Variants in ZNF624 observed in about 807,000 individuals in gnomAD.
ZNF624 encodes zinc finger protein 624.
ZNF624 carries 43 observed loss-of-function variants against 74.7 expected under a neutral mutation model. The ratio of observed to expected loss-of-function variants is 0.58; its 90% CI spans 0.45 to 0.74. The LOEUF is 0.74. Among genes scored for constraint, ZNF624 ranks in the 30% least tolerant of loss-of-function variants. The pLI, the probability that ZNF624 is intolerant of heterozygous loss-of-function variation, is 0.00. For missense variants in ZNF624, 820 were observed against 1,030.0 expected (o/e 0.80, Z 2.79); for synonymous variants, 331 against 341.3 (o/e 0.97, Z 0.33).
chr17:16,643,390 C>T (rs1179542470), intron 3 of ZNF624, among the ~76,000 whole-genome samples: 3 of 152,118 alleles, frequency 2.0e-5, no homozygotes, highest in Non-Finnish European at 4.4e-5. Flanking sequence ...ACACATAAAC[C>T]TTGAAAATAT....
intron 3 of ZNF624, among the ~76,000 whole-genome samples, chr17:16,637,229 A>G (rs1418404838): frequency 2.0e-5 from 3 of 152,224 alleles, no homozygotes; most frequent in African/African-American, 4.8e-5. Flanking sequence ...AGAGATACAA[A>G]TGGAAGAACA....
intron 3 of ZNF624, among the ~76,000 whole-genome samples, chr17:16,644,820 C>T (rs1909549542): frequency 6.6e-6 from 1 of 152,188 alleles, no homozygotes; most frequent in African/African-American, 2.4e-5. Context: ...TGAGCAACTA[C>T]TGCTTTCTTA....
At chr17:16,634,537 A>C in intron 4 of ZNF624, 93 bp downstream of exon 4, 4 of 1,382,402 alleles carry the variant, frequency 2.9e-6, no homozygotes, top group Non-Finnish European at 3.9e-6. Context: ...CCTAAAATCA[A>C]GTACTTCAGT....
At chr17:16,619,800 T>C (rs1039363406), downstream of ZNF624, among the ~76,000 whole-genome samples, 2 of 152,224 alleles carry the variant, frequency 1.3e-5, no homozygotes, top group Admixed American at 1.3e-4. Context: ...CGTTTGCCTC[T>C]AAGGCAGGAA....
intron 1 of ZNF624, among the ~76,000 whole-genome samples, chr17:16,651,082 T>G (rs551038991): frequency 3.9e-5 from 6 of 152,072 alleles, no homozygotes; most frequent in Non-Finnish European, 8.8e-5. Context: ...TACTGTCAGA[T>G]TAATGTATTA....
intron 3 of ZNF624, among the ~76,000 whole-genome samples, chr17:16,641,503 C>G (rs146385352): frequency 2.6e-5 from 4 of 152,136 alleles, no homozygotes; most frequent in Admixed American, 2.0e-4. Flanking sequence ...AGGCTAGTCT[C>G]GAACTCCTGG....
rs1485838233 is a variant in ZNF624, at chr17:16,621,624, G to A, written c.*664C>T. On this transcript the variant is annotated 3_prime_UTR_variant, in exon 6 of 6. Coordinates refer to ENST00000311331, the MANE Select transcript of ZNF624 (RefSeq NM_020787.4). ...TGAGCATTTCAATTTGCATTTCCCT[G>A]AGTGCTTTTTAGGTTCAAAATATTT... 1 of 152,106 alleles carries A rather than the reference G, an allele frequency of 6.6e-6. No homozygotes were observed. The highest frequency in any genetic ancestry group is 1.5e-5 in the Non-Finnish European group (1 of 68,018). The allele number at this position is 152,106 out of a possible 1,614,324, so 9.4% of individuals were successfully genotyped here. A position where few individuals can be genotyped will look rare whatever the true frequency, so the allele number is the denominator to read the frequency against.
At chr17:16,628,876 G>A (rs900621717) in intron 5 of ZNF624, among the ~76,000 whole-genome samples, 2 of 151,912 alleles carry the variant, frequency 1.3e-5, no homozygotes, top group African/African-American at 2.4e-5. Context: ...TAAAACCGTT[G>A]AAAACTAAAC....
At chr17:16,629,549 T>TTTTA (rs1569043005) in intron 5 of ZNF624, among the ~76,000 whole-genome samples, 5 of 151,890 alleles carry the variant, frequency 3.3e-5, no homozygotes, top group East Asian at 1.9e-4. Context: ...TTATATTTAT[T>TTTTA]TTTATTTATT....
At chr17:16,635,716 G>C (rs903234504) in intron 3 of ZNF624, among the ~76,000 whole-genome samples, 14 of 152,060 alleles carry the variant, frequency 9.2e-5, no homozygotes, top group Non-Finnish European at 1.9e-4. Context: ...TGTGCGTGTA[G>C]TGCTTGATAA....
chr17:16,651,093 A>C (rs570420168), intron 1 of ZNF624, among the ~76,000 whole-genome samples: 1 of 152,294 alleles, frequency 6.6e-6, no homozygotes, highest in East Asian at 1.9e-4. Context: ...TAATGTATTA[A>C]CTCAAGGAGG....
At chr17:16,639,977 AAGAC>A (rs1163431399) in intron 3 of ZNF624, among the ~76,000 whole-genome samples, 12 of 152,376 alleles carry the variant, frequency 7.9e-5, no homozygotes, top group Non-Finnish European at 7.3e-5. Flanking sequence ...CGAGGAAGTC[AAGAC>A]ATTGTACTTA....
intron 1 of ZNF624, among the ~76,000 whole-genome samples, chr17:16,651,413 C>T (rs1018772553): frequency 5.7e-5 from 8 of 140,460 alleles, no homozygotes; most frequent in Non-Finnish European, 1.1e-4. Flanking sequence ...CTGGGCGACA[C>T]AGCGAGACTC....
chr17:16,623,331 G>T lies in ZNF624; in HGVS notation c.1555C>A (p.Gln519Lys). The T allele has an allele frequency of 6.2e-7, 1 of 1,613,310 alleles. No homozygotes were observed. Reference sequence around the variant, plus strand: ...GGTTTTTCTCCTGTGTGAATTCGCTGATGTTCTGTGAAATTTGCGATGCGG... The same window carrying T: ...GGTTTTTCTCCTGTGTGAATTCGCTTATGTTCTGTGAAATTTGCGATGCGG... ...FNRIANFTEH[Q>K]RIHTGEKPYK... The change falls in exon 6 of 6, where the codon CAG becomes AAG. Residue 519 changes from glutamine (Q) to lysine (K), a missense_variant. Transcript: ENST00000311331. The surrounding 1 kb of genome is among the most constrained non-coding windows in gnomAD (Gnocchi z 5.3).
chr17:16,652,680 G>A (rs1909754811), intron 1 of ZNF624, among the ~76,000 whole-genome samples: 1 of 152,158 alleles, frequency 6.6e-6, no homozygotes, highest in South Asian at 2.1e-4. Context: ...ACTCTACTGA[G>A]ACCTCTGAGA....
At chr17:16,653,319 A>G (rs1292095128) in intron 1 of ZNF624, among the ~76,000 whole-genome samples, 1 of 130,894 alleles carries the variant, frequency 7.6e-6, no homozygotes, top group East Asian at 2.8e-4. Flanking sequence ...CAGAGCGGAT[A>G]TGCTCCTGCC....
intron 3 of ZNF624, among the ~76,000 whole-genome samples, chr17:16,635,390 C>A (rs1406224971): frequency 6.6e-6 from 1 of 151,860 alleles, no homozygotes; most frequent in Admixed American, 6.6e-5. Flanking sequence ...GGGAGTAGAG[C>A]GGACTGGAAT....
chr17:16,633,681 C>G (rs569448750), intron 5 of ZNF624, among the ~76,000 whole-genome samples, 181 bp downstream of exon 5: 59 of 151,932 alleles, frequency 3.9e-4, no homozygotes, highest in African/African-American at 1.3e-3. Flanking sequence ...AAGTGGAGGA[C>G]AGAGAGAGAG....
At chr17:16,615,273 A>AT in the ZNF624 span, among the ~76,000 whole-genome samples, 1 of 151,904 alleles carries the variant, frequency 6.6e-6, no homozygotes, top group Non-Finnish European at 1.5e-5. Flanking sequence ...AATTTTTTGT[A>AT]TTTTTAGCAG....
Sources: gnomAD v4.1 joint callset for allele counts (sites outside exome capture counted in the v4.1 genomes callset) on GRCh38, gnomAD v4.1.1 for gene constraint, Gnocchi (gnomAD v3.1) non-coding constraint, MANE v1.5 for transcripts, NCBI Gene and HGNC (gene_info 2026-07-23, HGNC 2026-07-21) for gene names.